The following NOC3L variants were observed in gnomAD, a reference collection of about 807,000 sequenced individuals.
NOC3L encodes NOC3 like DNA replication regulator, also known as nucleolar complex protein 3 homolog.
Under a neutral mutation model 102.5 loss-of-function variants are expected in NOC3L, and 85 were observed. The observed-to-expected ratio is 0.83, with a 90% CI of 0.70 to 0.99. The LOEUF is 0.99. Among genes scored for constraint, NOC3L ranks in the 50% least tolerant of loss-of-function variants. The probability of loss-of-function intolerance (pLI) is 0.00; values close to 1 mark genes in which losing one functional copy is unlikely to be tolerated. For missense variants in NOC3L, 878 were observed against 914.9 expected, an observed-to-expected ratio of 0.96 and a Z score of 0.52; for synonymous variants, 303 against 309.4, an observed-to-expected ratio of 0.98 and a Z score of 0.22.
rs777974208 is a variant in NOC3L, at chr10:94,358,096, CTCT to C, written c.334_336del (p.Arg112del). The C allele has an allele frequency of 1.8e-5, 28 of 1,591,704 alleles. No homozygotes were observed. Among genetic ancestry groups the C allele is most frequent in the South Asian group, 2.2e-5 (2 of 90,516 alleles). ...ATGAAGTATTACCTAGAAGAAAGAT[CTCT>C]TGTTAGAAAAGATACTCTTTGTCCT... On this transcript the variant is annotated inframe_deletion, in exon 3 of 21. Coordinates refer to ENST00000371361, the MANE Select transcript of NOC3L (RefSeq NM_022451.11).
At chr10:94,336,097 A>G (rs2054214394) in intron 19 of NOC3L, among the ~76,000 whole-genome samples, 1 of 152,152 alleles carries the variant, frequency 6.6e-6, no homozygotes, top group Non-Finnish European at 1.5e-5. Context: ...CTGATTTTTC[A>G]CACACAAAAA....
At chr10:94,325,168 A>G in the NOC3L span, 1 of 1,134,376 alleles carries the variant, frequency 8.8e-7, no homozygotes, top group East Asian at 2.3e-5. Context: ...TAAGGAAGGC[A>G]TAATTAGTAC....
chr10:94,328,118 C>G, the NOC3L span: 8 of 360,924 alleles, frequency 2.2e-5, no homozygotes, highest in South Asian at 1.6e-4. Context: ...TGGCACAGGG[C>G]TAGTTGCCAC....
In NOC3L at chr10:94,353,959, A is replaced by G. The variant is rs537217601; in HGVS notation, c.697-902T>C. The stretch of plus-strand genomic sequence containing the variant: ...TGTCTGTGAGCACAGGTTCCTGAGT[A>G]GAAGATCTGGGTTCCAATCCAGTGG... On this transcript the variant is annotated intron_variant, in intron 6 of 20. Transcript: ENST00000371361. Among the ~76,000 whole-genome samples, 52 of 152,336 alleles carry G rather than the reference A, an allele frequency of 3.4e-4. 2 individuals are homozygous for G. The Middle Eastern group carries it at 0.01, about 30-fold the overall frequency.
chr10:94,337,609 T>C (rs958440181), intron 19 of NOC3L, among the ~76,000 whole-genome samples, 168 bp downstream of exon 19: 9 of 152,220 alleles, frequency 5.9e-5, no homozygotes, highest in East Asian at 5.8e-4. Context: ...AACAAAATCA[T>C]AGCATGTTTT....
At chr10:94,357,694 C>T (rs1360576917) in intron 3 of NOC3L, 3 of 231,336 alleles carry the variant, frequency 1.3e-5, no homozygotes, top group African/African-American at 2.3e-5. Context: ...AAAGGTCCAA[C>T]TTTAAATTCC....
At chr10:94,322,326 C>T in the NOC3L span, among the ~76,000 whole-genome samples, 1 of 151,852 alleles carries the variant, frequency 6.6e-6, no homozygotes, top group East Asian at 1.9e-4. Flanking sequence ...GCACTGCAGC[C>T]TGGATGACAG....
chr10:94,325,503 G>A, the NOC3L span: 2 of 192,476 alleles, frequency 1.0e-5, no homozygotes, highest in Non-Finnish European at 1.1e-5. Context: ...GCTGAGGCAG[G>A]AGAATCACTT....
At chr10:94,336,509 G>A (rs1337112647) in intron 19 of NOC3L, among the ~76,000 whole-genome samples, 2 of 151,740 alleles carry the variant, frequency 1.3e-5, no homozygotes, top group Non-Finnish European at 2.9e-5. Context: ...CACCACGCCT[G>A]GCTAATTTTT....
At chr10:94,317,266 C>A in the NOC3L span, among the ~76,000 whole-genome samples, 1 of 151,972 alleles carries the variant, frequency 6.6e-6, no homozygotes, top group South Asian at 2.1e-4. Flanking sequence ...AAAAAAAAGA[C>A]AAGGAAATAT....
At chr10:94,327,903 T>C in the NOC3L span, 2 of 489,126 alleles carry the variant, frequency 4.1e-6, no homozygotes, top group South Asian at 3.1e-5. Context: ...ACCCTTGGTA[T>C]ACCGCAAGTG....
In NOC3L at chr10:94,337,763, A is replaced by AT. The variant is rs773064178; in HGVS notation, c.2189+13dup. ...AATTCTGTAGTTTTAGAATAAGGCAATGCTAAATATTACCTTCGACTCAAC... is the reference window on the plus strand; with the variant it reads ...AATTCTGTAGTTTTAGAATAAGGCAATTGCTAAATATTACCTTCGACTCAAC... On this transcript the variant is annotated intron_variant, in intron 19 of 20. Coordinates refer to ENST00000371361, the MANE Select transcript of NOC3L (RefSeq NM_022451.11). 1.3e-6 allele frequency: 2 copies of AT among 1,566,512 alleles called. No homozygotes were observed. Among genetic ancestry groups the AT allele is most frequent in the South Asian group, 1.1e-5 (1 of 89,764 alleles).
chr10:94,320,632 G>GTTTTCC, the NOC3L span, among the ~76,000 whole-genome samples: 1 of 152,202 alleles, frequency 6.6e-6, no homozygotes, highest in African/African-American at 2.4e-5. Context: ...GGATAAGGGA[G>GTTTTCC]TTTTCCTGCC....
intron 8 of NOC3L, among the ~76,000 whole-genome samples, chr10:94,350,877 C>T (rs563294369): frequency 1.9e-4 from 29 of 151,922 alleles, no homozygotes; most frequent in East Asian, 5.8e-4. Flanking sequence ...GTATAAAATA[C>T]ACTCTAAGTA....
At chr10:94,351,337 G>T (rs1265679528) in intron 8 of NOC3L, among the ~76,000 whole-genome samples, 2 of 149,442 alleles carry the variant, frequency 1.3e-5, no homozygotes, top group Admixed American at 1.4e-4. Context: ...TAGTAAATAA[G>T]CTGGGTAAAT....
At chr10:94,339,118 G>T (rs1297479587) in intron 17 of NOC3L, among the ~76,000 whole-genome samples, 1 of 152,128 alleles carries the variant, frequency 6.6e-6, no homozygotes, top group African/African-American at 2.4e-5. Flanking sequence ...GAAAGAAGCA[G>T]AAAAACCAGA....
chr10:94,340,387 C>A (rs1413685327), intron 15 of NOC3L, 40 bp from the exon 16 acceptor site: 4 of 1,602,738 alleles, frequency 2.5e-6, no homozygotes, highest in African/African-American at 2.7e-5. Context: ...TATGTTATAG[C>A]ATTCAAAGGT....
Position 94,361,771 on chromosome 10 carries a change from G to A in NOC3L, c.111C>T (p.Ser37=). The A allele has an allele frequency of 8.1e-6, 13 of 1,613,856 alleles. No individual in the cohort carries two copies. Among genetic ancestry groups the A allele is most frequent in the Non-Finnish European group, 1.0e-5 (12 of 1,179,862 alleles). Residue 37 remains serine (S), a synonymous_variant, in exon 2 of 21, where the codon AGC becomes AGT. Coordinates refer to ENST00000371361, the MANE Select transcript of NOC3L (RefSeq NM_022451.11). The part of the protein sequence containing the change: ...KLKNKQFKQQ[S]TLKKYRKEQR... ...GTTCTTTTCGGTACTTCTTGAGAGT[G>A]CTTTGTTGTTTAAACTGCTTATTTT... is the stretch of plus-strand genomic sequence containing the variant.
chr10:94,317,717 C>T, the NOC3L span, among the ~76,000 whole-genome samples: 1 of 152,102 alleles, frequency 6.6e-6, no homozygotes, highest in Admixed American at 6.6e-5. Context: ...TCCTGTTTGA[C>T]TTAATTGATG....
Sources: gnomAD v4.1 joint callset for allele counts (sites outside exome capture counted in the v4.1 genomes callset) on GRCh38, gnomAD v4.1.1 for gene constraint, MANE v1.5 for transcripts, NCBI Gene and HGNC (gene_info 2026-07-23, HGNC 2026-07-21) for gene names.